The following RNF152 variants were observed in gnomAD, a reference collection of about 807,000 sequenced individuals.
RNF152 encodes the protein E3 ubiquitin-protein ligase RNF152.
In RNF152, 11 loss-of-function variants were observed where a neutral mutation model predicts 12.7. The ratio of observed to expected loss-of-function variants is 0.86; its 90% confidence interval spans 0.54 to 1.43. The LOEUF (loss-of-function observed/expected upper bound fraction) is 1.43. RNF152 is among the 40% of genes most tolerant of loss of function. The probability of loss-of-function intolerance (pLI) is 0.00; values close to 1 mark genes in which losing one functional copy is unlikely to be tolerated. For synonymous variants in RNF152, 113 were observed against 120.3 expected (o/e 0.94, Z 0.40); for missense variants, 255 against 274.8 (o/e 0.93, Z 0.51).
At chr18:61,862,546 TA>T (rs57295716) in intron 1 of RNF152, among the ~76,000 whole-genome samples, 2,396 of 152,132 alleles carry the variant, frequency 0.016, 58 homozygotes, top group African/African-American at 0.054. Context: ...GAAGCTTCGG[TA>T]AAAAAACCCA....
chr18:61,892,114 G>A (rs1912987185), intron 1 of RNF152, among the ~76,000 whole-genome samples: 2 of 152,164 alleles, frequency 1.3e-5, no homozygotes, highest in African/African-American at 4.8e-5. Flanking sequence ...AAAAGAACAG[G>A]CCAGAGTTTT....
At chr18:61,854,507 A>G (rs1299316253) in intron 1 of RNF152, among the ~76,000 whole-genome samples, 2 of 152,212 alleles carry the variant, frequency 1.3e-5, no homozygotes, top group East Asian at 1.9e-4. Flanking sequence ...CATCCTCTCA[A>G]TGATTTTCCA....
At chr18:61,861,376 G>A (rs923067673) in intron 1 of RNF152, among the ~76,000 whole-genome samples, 1 of 152,174 alleles carries the variant, frequency 6.6e-6, no homozygotes, top group Non-Finnish European at 1.5e-5. Flanking sequence ...GCAGTATTCA[G>A]TATAATAATA....
intron 1 of RNF152, among the ~76,000 whole-genome samples, chr18:61,847,090 C>T (rs79390252): frequency 0.038 from 5,773 of 152,070 alleles, 157 homozygotes; most frequent in South Asian, 0.066. Flanking sequence ...ACCGGTACTC[C>T]TCCCCCATAC....
At chr18:61,824,510 A>G (rs1415016210) in intron 1 of RNF152, among the ~76,000 whole-genome samples, 1 of 152,250 alleles carries the variant, frequency 6.6e-6, no homozygotes, top group African/African-American at 2.4e-5. Flanking sequence ...GGGAGTGGGC[A>G]TATAAACTAC....
intron 1 of RNF152, among the ~76,000 whole-genome samples, chr18:61,858,885 C>G (rs1383874084): frequency 6.6e-6 from 1 of 152,196 alleles, no homozygotes; most frequent in Admixed American, 6.5e-5. Context: ...TAAGTTTGGT[C>G]AGCAAGCCTG....
intron 1 of RNF152, among the ~76,000 whole-genome samples, chr18:61,828,996 A>G (rs554257914): frequency 1.3e-5 from 2 of 152,258 alleles, no homozygotes; most frequent in South Asian, 2.1e-4. Flanking sequence ...TACCATTTCA[A>G]TGTCAAGGGT....
At chr18:61,843,460 T>TA in intron 1 of RNF152, among the ~76,000 whole-genome samples, 1 of 152,322 alleles carries the variant, frequency 6.6e-6, no homozygotes, top group African/African-American at 2.4e-5. Flanking sequence ...GTATTTACCC[T>TA]AAAAAATTGA....
intron 1 of RNF152, among the ~76,000 whole-genome samples, chr18:61,869,638 G>A (rs181736038): frequency 6.6e-6 from 1 of 152,298 alleles, no homozygotes; most frequent in African/African-American, 2.4e-5. Flanking sequence ...AGGGTGCCAG[G>A]AAGACACCAC....
intron 1 of RNF152, among the ~76,000 whole-genome samples, chr18:61,890,981 T>G (rs1181380684): frequency 3.3e-5 from 5 of 152,218 alleles, no homozygotes; most frequent in Non-Finnish European, 5.9e-5. Context: ...AGTCCAATCC[T>G]ACCTCTCTTG....
chr18:61,826,956 A>C (rs1338130008), intron 1 of RNF152, among the ~76,000 whole-genome samples: 1 of 152,220 alleles, frequency 6.6e-6, no homozygotes, highest in Non-Finnish European at 1.5e-5. Context: ...GAACATAAAC[A>C]ATGGCCATCA....
chr18:61,889,343 T>C (rs1412033214), intron 1 of RNF152, among the ~76,000 whole-genome samples: 1 of 152,242 alleles, frequency 6.6e-6, no homozygotes, highest in Non-Finnish European at 1.5e-5. Flanking sequence ...TGTTAAATTC[T>C]ACACTTATGC....
intron 1 of RNF152, among the ~76,000 whole-genome samples, chr18:61,883,404 C>T (rs978135334): frequency 4.6e-5 from 7 of 152,248 alleles, no homozygotes; most frequent in African/African-American, 1.7e-4. Flanking sequence ...TAATAAATAT[C>T]CCATTCCAAA....
intron 1 of RNF152, among the ~76,000 whole-genome samples, chr18:61,818,925 A>G (rs1251527622): frequency 1.3e-5 from 2 of 152,224 alleles, no homozygotes; most frequent in African/African-American, 4.8e-5. Flanking sequence ...ATTGTAACGT[A>G]AATACAAGGT....
chr18:61,826,501 CCTA>C (rs1471419763), intron 1 of RNF152, among the ~76,000 whole-genome samples: 2 of 152,168 alleles, frequency 1.3e-5, no homozygotes, highest in African/African-American at 4.8e-5. Context: ...CTCCCTTTCC[CCTA>C]CTAAGTTAGG....
At chr18:61,872,653 G>A (rs1912042560) in intron 1 of RNF152, among the ~76,000 whole-genome samples, 2 of 152,070 alleles carry the variant, frequency 1.3e-5, no homozygotes, top group South Asian at 2.1e-4. Flanking sequence ...TTCTACTGTA[G>A]TGGACTTCCC....
At chr18:61,854,140 T>A (rs574752736) in intron 1 of RNF152, among the ~76,000 whole-genome samples, 1 of 152,336 alleles carries the variant, frequency 6.6e-6, no homozygotes, top group African/African-American at 2.4e-5. Flanking sequence ...TTTTTTCTTT[T>A]CCAAGCTTCC....
rs34966668 is a variant in RNF152, at chr18:61,808,387, T to TAAAAAAAAAAA, written c.*7454_*7464dup. The TAAAAAAAAAAA allele has an allele frequency of 3.3e-4, 17 of 50,792 alleles. No individual in the cohort carries two copies. The highest frequency in any genetic ancestry group is 9.9e-4 in the African/African-American group (14 of 14,112). 3.1% of individuals were successfully genotyped at this position (50,792 alleles called of 1,614,324 possible). A position where few individuals can be genotyped will look rare whatever the true frequency, so the allele number is the denominator to read the frequency against. ...TTTATCTGTAGGGCTATTTGGCCCT[T>TAAAAAAAAAAA]AAAAAAAAAAAAAAAAAAAAAAAAA... On this transcript the variant is annotated 3_prime_UTR_variant, in exon 2 of 2. Coordinates refer to ENST00000312828, the MANE Select transcript of RNF152 (RefSeq NM_173557.3).
chr18:61,825,797 C>A (rs1005998848), intron 1 of RNF152, among the ~76,000 whole-genome samples: 10 of 152,140 alleles, frequency 6.6e-5, no homozygotes, highest in African/African-American at 2.4e-4. Context: ...CCCCCAAAGG[C>A]CCAAAGTTCC....
Sources: gnomAD v4.1 joint callset for allele counts (sites outside exome capture counted in the v4.1 genomes callset) on GRCh38, gnomAD v4.1.1 for gene constraint, MANE v1.5 for transcripts, NCBI Gene and HGNC (gene_info 2026-07-23, HGNC 2026-07-21) for gene names.